ANKFN1: variants seen among roughly 807,000 people sequenced by gnomAD.
The protein encoded by ANKFN1 is ankyrin repeat and fibronectin type-III domain-containing protein 1.
In ANKFN1, 74 loss-of-function variants were observed where a neutral mutation model predicts 108.7. The observed-to-expected ratio is 0.68, with a 90% CI of 0.56 to 0.83. The LOEUF (loss-of-function observed/expected upper bound fraction) is 0.83, where lower values mean the gene tolerates loss of function less well. Among genes scored for constraint, ANKFN1 ranks in the 40% least tolerant of loss-of-function variants. The probability of loss-of-function intolerance (pLI) is 0.00; values close to 1 mark genes in which losing one functional copy is unlikely to be tolerated. For synonymous variants in ANKFN1, 547 were observed against 516.2 expected (o/e 1.06, Z -0.81); for missense variants, 1,505 against 1,382.3 (o/e 1.09, Z -1.41).
intron 3 of ANKFN1, among the ~76,000 whole-genome samples, chr17:56,274,069 G>A (rs923140683): frequency 2.0e-5 from 3 of 152,124 alleles, no homozygotes; most frequent in African/African-American, 7.2e-5. Context: ...ATAGTAATAG[G>A]ACATTCTTAT....
intron 4 of ANKFN1, among the ~76,000 whole-genome samples, chr17:56,338,990 G>A (rs974074378): frequency 1.3e-5 from 2 of 152,060 alleles, no homozygotes; most frequent in Admixed American, 6.6e-5. Context: ...GCCTCCCATT[G>A]GGTGGGCAAT....
chr17:56,155,978 G>A (rs996627479), intron 1 of ANKFN1, among the ~76,000 whole-genome samples: 7 of 152,094 alleles, frequency 4.6e-5, no homozygotes, highest in Non-Finnish European at 8.8e-5. Context: ...TGGTTGGATA[G>A]GCCTGGATTT....
At chr17:56,394,789 G>A (rs2047531483) in intron 8 of ANKFN1, among the ~76,000 whole-genome samples, 1 of 152,152 alleles carries the variant, frequency 6.6e-6, no homozygotes, top group Non-Finnish European at 1.5e-5. Context: ...CGCTTTCTAG[G>A]TCACCTTCTC....
chr17:56,458,095 T>C (rs1229816319), intron 14 of ANKFN1, 116 bp downstream of exon 14: 2 of 822,828 alleles, frequency 2.4e-6, no homozygotes, highest in African/African-American at 3.5e-5. Context: ...TTCAGACCCC[T>C]AAGAATATGA....
chr17:56,440,136 AAAAAT>A (rs1365194286), intron 8 of ANKFN1, among the ~76,000 whole-genome samples, 186 bp from the exon 9 acceptor site: 1 of 152,232 alleles, frequency 6.6e-6, no homozygotes, highest in East Asian at 1.9e-4. Flanking sequence ...TTCTTTTAAA[AAAAAT>A]GTGAACTTGG....
intron 4 of ANKFN1, among the ~76,000 whole-genome samples, chr17:56,133,813 C>T (rs538337652): frequency 6.6e-6 from 1 of 151,866 alleles, no homozygotes; most frequent in Admixed American, 6.6e-5. Context: ...TCACACACCA[C>T]TCAACATAAT....
intron 4 of ANKFN1, among the ~76,000 whole-genome samples, chr17:56,142,771 G>A (rs183453892): frequency 3.3e-4 from 50 of 152,254 alleles, no homozygotes; most frequent in African/African-American, 1.2e-3. Flanking sequence ...ACCTTTTCCA[G>A]TTTGTGTTTT....
At chr17:56,508,894 G>A (rs1297613966) in intron 20 of ANKFN1, among the ~76,000 whole-genome samples, 1 of 152,110 alleles carries the variant, frequency 6.6e-6, no homozygotes, top group Non-Finnish European at 1.5e-5. Context: ...ATTAGAGCAG[G>A]ATCTCAAGTA....
In ANKFN1 at chr17:56,374,590, T is replaced by C. The variant is rs764394100; in HGVS notation, c.797-11T>C. 2.5e-6 allele frequency: 4 copies of C among 1,602,100 alleles called. No individual in the cohort carries two copies. Reference sequence around the variant, plus strand: ...TATGTTAAGATCCTTGTGTTTTTCCTTCTGTCCCAGGAGCCCCTGAGATGC... The same window carrying C: ...TATGTTAAGATCCTTGTGTTTTTCCCTCTGTCCCAGGAGCCCCTGAGATGC... On this transcript the variant is annotated splice_polypyrimidine_tract_variant and intron_variant, in intron 7 of 20. Coordinates refer to ENST00000682825, the MANE Select transcript of ANKFN1 (RefSeq NM_001370326.1).
intron 1 of ANKFN1, among the ~76,000 whole-genome samples, chr17:56,189,179 T>TTTTTGTTTTTTTTTTTTTTG (rs1912605307): frequency 1.8e-5 from 2 of 111,400 alleles, no homozygotes; most frequent in African/African-American, 4.9e-5. Context: ...ACTTTTTTTT[T>TTTTTGTTTTTTTTTTTTTTG]TTTTTTTTTG....
At chr17:56,337,928 A>G (rs2045859148) in intron 4 of ANKFN1, among the ~76,000 whole-genome samples, 2 of 152,172 alleles carry the variant, frequency 1.3e-5, no homozygotes, top group Non-Finnish European at 2.9e-5. Context: ...TAGAAATACC[A>G]TTTGACCCAG....
chr17:56,096,970 C>T (rs1905547168), intron 4 of ANKFN1, among the ~76,000 whole-genome samples: 1 of 152,114 alleles, frequency 6.6e-6, no homozygotes, highest in Non-Finnish European at 1.5e-5. Flanking sequence ...CAGCAACATA[C>T]ATGGAGCCAG....
At chr17:56,102,138 C>T (rs558792078) in intron 4 of ANKFN1, among the ~76,000 whole-genome samples, 2 of 152,032 alleles carry the variant, frequency 1.3e-5, no homozygotes, top group Non-Finnish European at 2.9e-5. Context: ...TATGTGTGTA[C>T]AAAAAAGAAC....
At chr17:56,068,173 C>T (rs181723195) in intron 4 of ANKFN1, among the ~76,000 whole-genome samples, 37 of 152,240 alleles carry the variant, frequency 2.4e-4, no homozygotes, top group Admixed American at 5.2e-4. Flanking sequence ...TTCATCAGGA[C>T]GTAGTTCAAA....
chr17:56,304,495 T>C (rs2144390721), intron 3 of ANKFN1, among the ~76,000 whole-genome samples: 1 of 152,326 alleles, frequency 6.6e-6, no homozygotes, highest in East Asian at 1.9e-4. Flanking sequence ...CTTATTTCTC[T>C]GGGATAAATG....
chr17:56,452,161 T>C (rs753595320), intron 11 of ANKFN1, among the ~76,000 whole-genome samples: 1 of 152,212 alleles, frequency 6.6e-6, no homozygotes, highest in Non-Finnish European at 1.5e-5. Flanking sequence ...ATTATTCAAC[T>C]TGCAATACAA....
intron 2 of ANKFN1, among the ~76,000 whole-genome samples, chr17:56,222,074 A>G (rs949228764): frequency 1.3e-5 from 2 of 152,210 alleles, no homozygotes; most frequent in African/African-American, 4.8e-5. Context: ...GACACATTCA[A>G]GTATAAGGAG....
intron 4 of ANKFN1, among the ~76,000 whole-genome samples, chr17:56,110,410 C>T (rs1905895722): frequency 6.6e-6 from 1 of 152,204 alleles, no homozygotes; most frequent in African/African-American, 2.4e-5. Flanking sequence ...AGACCTGAAG[C>T]CTTTCCTTCA....
At chr17:56,448,638 C>A (rs1029386422) in intron 10 of ANKFN1, among the ~76,000 whole-genome samples, 1 of 152,122 alleles carries the variant, frequency 6.6e-6, no homozygotes, top group Admixed American at 6.5e-5. Context: ...ACAATAAAAG[C>A]ACTGGGACTG....
Sources: allele counts gnomAD v4.1 joint callset (sites outside exome capture counted in the v4.1 genomes callset), GRCh38; gene constraint gnomAD v4.1.1; transcripts MANE v1.5; gene names NCBI Gene and HGNC (gene_info 2026-07-23, HGNC 2026-07-21).